Variants in NSMAF observed in about 807,000 individuals in gnomAD.
The protein encoded by NSMAF is protein FAN.
In NSMAF, 90 loss-of-function variants were observed where a neutral mutation model predicts 134.9. The ratio of observed to expected loss-of-function variants is 0.67; its 90% CI spans 0.56 to 0.79. The LOEUF is 0.79. Among genes scored for constraint, NSMAF ranks in the 30% least tolerant of loss-of-function variants. The pLI, the probability that NSMAF is intolerant of heterozygous loss-of-function variation, is 0.00. For missense variants in NSMAF, 1,010 were observed against 1,119.0 expected (o/e 0.90, Z 1.39); for synonymous variants, 358 against 389.6 (o/e 0.92, Z 0.96).
Position 58,659,671 on chromosome 8 carries a change from C to T in NSMAF, c.-40G>A. The T allele has an allele frequency of 1.5e-6, 2 of 1,356,078 alleles. No homozygotes were observed. The highest frequency in any genetic ancestry group is 1.9e-5 in the South Asian group (1 of 53,964). 84.0% of individuals were successfully genotyped at this position (1,356,078 alleles called of 1,614,324 possible). On this transcript the variant is annotated 5_prime_UTR_variant, in exon 1 of 31. Transcript: ENST00000038176. ...GGCGGGCGCAGAGCGCACAGGCAGG[C>T]CCCGCCGCCGCCTGCCGAGGAGGTC...
Position 58,589,519 on chromosome 8 carries a change from T to C in NSMAF, c.2144A>G (p.Asp715Gly), listed in dbSNP as rs751774370. The C allele has an allele frequency of 2.5e-5, 39 of 1,570,394 alleles. No homozygotes were observed. Among genetic ancestry groups the C allele is most frequent in the Non-Finnish European group, 3.3e-5 (38 of 1,165,810 alleles). The change falls in exon 26 of 31, where the codon GAT becomes GGT. Residue 715 changes from aspartate to glycine, a missense_variant. Physicochemically the swap from Asp to Gly is moderately conservative, Grantham distance 94 (BLOSUM62 -1). Transcript: ENST00000038176. ...ATGCCAACAGATCTTACTAACAGCA[T>C]CATCATGTCCCATTAACGTGTCCTG... ...RRQDTLMGHD[D>G]AVSKICWHDN...
chr8:58,609,816 ACTTT>A, intron 9 of NSMAF, 83 bp from the exon 10 acceptor site: 4 of 1,274,588 alleles, frequency 3.1e-6, no homozygotes, highest in Non-Finnish European at 4.4e-6. Flanking sequence ...CTACAGTGTG[ACTTT>A]CTATGACATT....
chr8:58,643,327 G>C (rs182854683), intron 1 of NSMAF, among the ~76,000 whole-genome samples: 5 of 152,264 alleles, frequency 3.3e-5, no homozygotes, highest in Admixed American at 3.3e-4. Flanking sequence ...CTCTTTTACA[G>C]AAACCCTGAA....
At chr8:58,627,100 TG>T (rs1806950364) in intron 6 of NSMAF, among the ~76,000 whole-genome samples, 1 of 152,254 alleles carries the variant, frequency 6.6e-6, no homozygotes, top group Admixed American at 6.5e-5. Context: ...TCGTAGATTC[TG>T]GATGTTAGTC....
intron 1 of NSMAF, among the ~76,000 whole-genome samples, chr8:58,645,286 G>A (rs1441196459): frequency 6.6e-6 from 1 of 152,012 alleles, no homozygotes; most frequent in African/African-American, 2.4e-5. Flanking sequence ...TGGAACAAGA[G>A]GCTGCACACT....
chr8:58,627,865 C>A (rs964300218), intron 6 of NSMAF, among the ~76,000 whole-genome samples: 2 of 152,068 alleles, frequency 1.3e-5, no homozygotes, highest in Admixed American at 1.3e-4. Context: ...CATCAAAATA[C>A]CTTTGTCAAT....
rs1465938220 is a variant in NSMAF, at chr8:58,659,575, C to T, written c.57G>A (p.Glu19=). The change falls in exon 1 of 31, where the codon GAG becomes GAA. Residue 19 remains glutamate (E), a splice_region_variant and synonymous_variant. Transcript: ENST00000038176. ...CCCTTCTTCAGCTGGGCGCGCACCT[C>T]TCCTTGGAGTAGAGCTGCAGCTGCT... is the stretch of plus-strand genomic sequence containing the variant. The part of the protein sequence containing the change: ...QEQQLQLYSK[E]RFSLLLLNLE... 2 of 1,528,376 alleles carry T rather than the reference C, an allele frequency of 1.3e-6. No individual in the cohort carries two copies. The highest frequency in any genetic ancestry group is 2.4e-5 in the South Asian group (2 of 81,674). 94.7% of individuals were successfully genotyped at this position (1,528,376 alleles called of 1,614,324 possible).
chr8:58,595,802 G>A, intron 21 of NSMAF, 143 bp from the exon 22 acceptor site: 1 of 602,478 alleles, frequency 1.7e-6, no homozygotes, highest in East Asian at 2.8e-5. Flanking sequence ...AAATGTACCT[G>A]TTAGATGGTT....
At chr8:58,606,397 GC>G (rs1335540161) in intron 11 of NSMAF, among the ~76,000 whole-genome samples, 1 of 151,964 alleles carries the variant, frequency 6.6e-6, no homozygotes, top group Non-Finnish European at 1.5e-5. Context: ...TAAATGTCTA[GC>G]TTTCTTTCAT....
chr8:58,618,105 G>C (rs1233898995), intron 9 of NSMAF, among the ~76,000 whole-genome samples: 1 of 152,142 alleles, frequency 6.6e-6, no homozygotes, highest in Admixed American at 6.5e-5. Flanking sequence ...GGTGGGAACT[G>C]AACAATGAGA....
intron 12 of NSMAF, among the ~76,000 whole-genome samples, chr8:58,604,166 T>C (rs1311878938): frequency 1.3e-5 from 2 of 152,218 alleles, no homozygotes; most frequent in African/African-American, 4.8e-5. Context: ...AAGTTTCTTC[T>C]TTAATCAGCT....
intron 9 of NSMAF, among the ~76,000 whole-genome samples, chr8:58,610,592 A>G (rs1038189284): frequency 6.6e-6 from 1 of 152,204 alleles, no homozygotes; most frequent in African/African-American, 2.4e-5. Flanking sequence ...CTAAATGAAC[A>G]TGATTGCAAA....
At chr8:58,647,050 A>G (rs1021547208) in intron 1 of NSMAF, among the ~76,000 whole-genome samples, 1 of 152,248 alleles carries the variant, frequency 6.6e-6, no homozygotes, top group Non-Finnish European at 1.5e-5. Context: ...TTCAACACTC[A>G]GCTGATGAAC....
intron 1 of NSMAF, among the ~76,000 whole-genome samples, chr8:58,644,680 G>T (rs1807403705): frequency 6.6e-6 from 1 of 152,134 alleles, no homozygotes; most frequent in South Asian, 2.1e-4. Flanking sequence ...GTTTAATGCG[G>T]CACTGTTCAC....
intron 1 of NSMAF, among the ~76,000 whole-genome samples, chr8:58,652,204 G>A (rs1257454214): frequency 6.6e-6 from 1 of 152,130 alleles, no homozygotes; most frequent in Non-Finnish European, 1.5e-5. Flanking sequence ...ACAGAGAGGA[G>A]ATCTTAAAAG....
intron 12 of NSMAF, 79 bp downstream of exon 12, chr8:58,605,847 TC>T: frequency 1.5e-6 from 2 of 1,374,208 alleles, no homozygotes; most frequent in Non-Finnish European, 1.9e-6. Flanking sequence ...GCCACTGCAC[TC>T]CAGCCTGGGT....
intron 2 of NSMAF, chr8:58,640,143 A>C: frequency 2.3e-6 from 1 of 443,908 alleles, no homozygotes; most frequent in Non-Finnish European, 4.5e-6. Flanking sequence ...AGTCCATACC[A>C]CATCATACAC....
In NSMAF at chr8:58,597,553, T is replaced by A. The variant is rs374122694; in HGVS notation, c.1629-3A>T. 2.0e-4 allele frequency: 325 copies of A among 1,613,894 alleles called. No individual in the cohort carries two copies. The African/African-American group carries it at 3.8e-3, about 19-fold the overall frequency. The stretch of plus-strand genomic sequence containing the variant: ...CCTTCTCATCAGGATCCTGGATGCT[T>A]TGGGACAGAACACAAATAATGCAGT... On this transcript the variant is annotated splice_region_variant and splice_polypyrimidine_tract_variant and intron_variant, in intron 20 of 30. Coordinates refer to ENST00000038176, the MANE Select transcript of NSMAF (RefSeq NM_003580.4).
At chr8:58,592,916 AC>A (rs1554573032) in intron 23 of NSMAF, among the ~76,000 whole-genome samples, 38,944 of 127,394 alleles carry the variant, frequency 0.31, 5,430 homozygotes, top group Non-Finnish European at 0.31. Context: ...AACAACAACA[AC>A]AAAAAAAAAA....
Sources: allele counts gnomAD v4.1 joint callset (sites outside exome capture counted in the v4.1 genomes callset), GRCh38; gene constraint gnomAD v4.1.1; transcripts MANE v1.5; gene names NCBI Gene and HGNC (gene_info 2026-07-23, HGNC 2026-07-21).